SQOR: variants seen among roughly 807,000 people sequenced by gnomAD.
SQOR encodes sulfide:quinone oxidoreductase, mitochondrial.
A neutral mutation model predicts 48.6 loss-of-function variants in SQOR; 39 were observed. That is an observed-to-expected ratio of 0.80 (90% CI 0.62 to 1.05). SQOR has a LOEUF of 1.05. Among genes scored for constraint, SQOR ranks in the 50% least tolerant of loss-of-function variants. SQOR has a pLI of 0.00. For missense variants in SQOR, 561 were observed against 559.9 expected (o/e 1.00, Z -0.02); for synonymous variants, 220 against 206.2 (o/e 1.07, Z -0.57).
intron 1 of SQOR, among the ~76,000 whole-genome samples, chr15:45,649,901 G>C (rs1414516372): frequency 6.6e-6 from 1 of 152,200 alleles, no homozygotes; most frequent in East Asian, 1.9e-4. Context: ...CACCCAGGCT[G>C]GCGTGACCTC....
chr15:45,649,867 G>GT (rs1283806848), intron 1 of SQOR, among the ~76,000 whole-genome samples: 2 of 151,880 alleles, frequency 1.3e-5, no homozygotes, highest in African/African-American at 4.8e-5. Context: ...TTTTGTGTGT[G>GT]TTTTTTTGAG....
intron 1 of SQOR, among the ~76,000 whole-genome samples, chr15:45,649,629 G>T (rs534334305): frequency 6.6e-6 from 1 of 151,808 alleles, no homozygotes; most frequent in African/African-American, 2.4e-5. Context: ...ACAGGCACCT[G>T]CCTCCATGCC....
chr15:45,688,269 T>G, intron 7 of SQOR, 68 bp from the exon 8 acceptor site: 1 of 1,136,294 alleles, frequency 8.8e-7, no homozygotes, highest in Non-Finnish European at 1.3e-6. Flanking sequence ...ATTAAAGTTA[T>G]TTGCAAATTA....
chr15:45,637,024 G>A (rs968472970), intron 1 of SQOR, among the ~76,000 whole-genome samples: 5 of 149,514 alleles, frequency 3.3e-5, no homozygotes, highest in Admixed American at 2.7e-4. Context: ...TTGCTGTGTC[G>A]CCTAAGCTGG....
chr15:45,686,751 C>G (rs1445817372), intron 7 of SQOR, among the ~76,000 whole-genome samples: 1 of 152,168 alleles, frequency 6.6e-6, no homozygotes, highest in East Asian at 1.9e-4. Context: ...CAAAGGTAAC[C>G]CATCTTTCCT....
rs1384208828 is a variant in SQOR at position 45,689,070 on chromosome 15, C to T, written c.1148C>T (p.Thr383Ile). The T allele has an allele frequency of 9.9e-6, 16 of 1,614,072 alleles. No homozygotes were observed. The highest frequency in any genetic ancestry group is 1.4e-5 in the Non-Finnish European group (16 of 1,180,002). ...YDGYTSCPLV[T>I]GYNRVILAEF... ...GGCTACACATCATGTCCACTGGTGA[C>T]CGGCTACAACCGTGTGATTCTTGCT... Residue 383 changes from threonine to isoleucine, a missense_variant, in exon 9 of 10, where the codon ACC becomes ATC. Physicochemically the swap from Thr to Ile is moderately conservative, Grantham distance 89 (BLOSUM62 -1). Coordinates refer to ENST00000260324, the MANE Select transcript of SQOR (RefSeq NM_021199.4).
intron 5 of SQOR, among the ~76,000 whole-genome samples, chr15:45,675,137 G>C (rs1332207192): frequency 6.6e-6 from 1 of 152,190 alleles, no homozygotes; most frequent in East Asian, 1.9e-4. Context: ...TGAGATCCGG[G>C]TGAGCAAATC....
intron 1 of SQOR, among the ~76,000 whole-genome samples, chr15:45,641,779 T>A (rs1895108759): frequency 6.6e-6 from 1 of 152,212 alleles, no homozygotes; most frequent in South Asian, 2.1e-4. Context: ...TACTCCACTT[T>A]GAGTAATTCT....
intron 1 of SQOR, among the ~76,000 whole-genome samples, chr15:45,650,830 G>C (rs530067661): frequency 6.6e-6 from 1 of 152,302 alleles, no homozygotes; most frequent in African/African-American, 2.4e-5. Flanking sequence ...AGACATAAAG[G>C]TTCTCCAAGT....
At chr15:45,637,884 G>A (rs1268969012) in intron 1 of SQOR, among the ~76,000 whole-genome samples, 1 of 152,180 alleles carries the variant, frequency 6.6e-6, no homozygotes, top group Non-Finnish European at 1.5e-5. Context: ...ACGTTTCCCT[G>A]CTCCACTATC....
intron 1 of SQOR, among the ~76,000 whole-genome samples, chr15:45,650,294 A>C (rs1011722416): frequency 1.3e-5 from 2 of 152,214 alleles, no homozygotes; most frequent in African/African-American, 4.8e-5. Flanking sequence ...ACTGACTTCA[A>C]GAATCACCCT....
At chr15:45,632,159 T>C (rs1457181347), upstream of SQOR, 2 of 152,060 alleles carry the variant, frequency 1.3e-5, no homozygotes, top group Non-Finnish European at 2.9e-5. Flanking sequence ...TCTCAGCATG[T>C]GGGATATGCT....
At chr15:45,662,499 G>A (rs896395304) in intron 3 of SQOR, among the ~76,000 whole-genome samples, 7 of 152,028 alleles carry the variant, frequency 4.6e-5, no homozygotes, top group South Asian at 2.1e-4. Context: ...TCTACCGGTC[G>A]CCTAGCCTCC....
chr15:45,638,750 A>G lies in SQOR; in HGVS notation c.-18+3642A>G, dbSNP rs553476054. ...TCAAAAAAAGAAAGAAAGAAAAAAA[A>G]AAAAGGAAAATTAAGTTAGGTCATT... On this transcript the variant is annotated intron_variant, in intron 1 of 9. Transcript: ENST00000260324. 4.1e-4 allele frequency among the ~76,000 whole-genome samples: 62 copies of G among 152,232 alleles called. 1 individual carries two copies. The South Asian group carries it at 0.012, about 30-fold the overall frequency.
chr15:45,657,684 G>T (rs1310807369), intron 1 of SQOR, among the ~76,000 whole-genome samples: 1 of 151,922 alleles, frequency 6.6e-6, no homozygotes, highest in African/African-American at 2.4e-5. Flanking sequence ...CTTTCTTTTT[G>T]TAGCTCCTCT....
chr15:45,634,461 G>C (rs905976579), upstream of SQOR, among the ~76,000 whole-genome samples: 1 of 151,822 alleles, frequency 6.6e-6, no homozygotes, highest in Admixed American at 6.6e-5. Flanking sequence ...CATGAATATG[G>C]GATGGGACAC....
intron 1 of SQOR, among the ~76,000 whole-genome samples, chr15:45,639,189 C>T (rs750150882): frequency 1.3e-5 from 2 of 152,206 alleles, no homozygotes; most frequent in African/African-American, 4.8e-5. Flanking sequence ...ATGTACTTTC[C>T]TTCTACAGAC....
At chr15:45,674,884 C>T (rs1381726757) in intron 5 of SQOR, among the ~76,000 whole-genome samples, 5 of 152,008 alleles carry the variant, frequency 3.3e-5, no homozygotes, top group South Asian at 2.1e-4. Flanking sequence ...AGCAGCTAGT[C>T]GTGTATGGGG....
intron 1 of SQOR, among the ~76,000 whole-genome samples, chr15:45,648,318 C>T (rs1889387447): frequency 6.6e-6 from 1 of 152,052 alleles, no homozygotes; most frequent in African/African-American, 2.4e-5. Flanking sequence ...GCTGGGATAA[C>T]AGGCATGTGC....
Sources: allele counts gnomAD v4.1 joint callset (sites outside exome capture counted in the v4.1 genomes callset), GRCh38; gene constraint gnomAD v4.1.1; transcripts MANE v1.5; gene names NCBI Gene and HGNC (gene_info 2026-07-23, HGNC 2026-07-21).